Variants in KDM4C observed in about 807,000 individuals in gnomAD.
The protein encoded by KDM4C is lysine demethylase 4C.
A neutral mutation model predicts 129.3 loss-of-function variants in KDM4C; 81 were observed. The observed-to-expected ratio is 0.63, with a 90% confidence interval of 0.52 to 0.75. The LOEUF is 0.75. KDM4C is among the 30% of genes least tolerant of loss of function. KDM4C has a pLI of 0.00. For missense variants in KDM4C, 1,457 were observed against 1,304.0 expected (o/e 1.12, Z -1.81); for synonymous variants, 573 against 456.1 (o/e 1.26, Z -3.26).
chr9:6,737,198 T>A (rs1817551805), intron 1 of KDM4C, among the ~76,000 whole-genome samples: 1 of 151,112 alleles, frequency 6.6e-6, no homozygotes, highest in African/African-American at 2.4e-5. Flanking sequence ...CTAATTAAAG[T>A]AAAGAGCTTC....
chr9:7,020,569 C>A (rs1824618409), intron 15 of KDM4C, among the ~76,000 whole-genome samples: 1 of 152,118 alleles, frequency 6.6e-6, no homozygotes, highest in Non-Finnish European at 1.5e-5. Flanking sequence ...TTACCAAATC[C>A]AGATTTTAGG....
In KDM4C at chr9:6,967,963, C is replaced by T. The variant is rs116756898; in HGVS notation, c.922-12962C>T. Among the ~76,000 whole-genome samples the T allele has an allele frequency of 9.4e-3, 1,434 of 151,924 alleles. 25 individuals are homozygous for T. The highest frequency in any genetic ancestry group is 0.032 in the African/African-American group (1,333 of 41,472). ...GATATTAATAGTTTCTCATGGGATA[C>T]GAAGATTAATTGAGACAATATCTAT... On this transcript the variant is annotated intron_variant, in intron 8 of 21. Transcript: ENST00000381309.
chr9:7,144,901 G>A (rs1314566699), intron 19 of KDM4C, among the ~76,000 whole-genome samples: 1 of 152,250 alleles, frequency 6.6e-6, no homozygotes, highest in Non-Finnish European at 1.5e-5. Context: ...TTTAGGCACC[G>A]TGATGTCTTT....
chr9:6,857,923 T>G (rs11999538), intron 5 of KDM4C, among the ~76,000 whole-genome samples: 15 of 62,430 alleles, frequency 2.4e-4, no homozygotes, highest in African/African-American at 1.8e-3. Flanking sequence ...TCTGGCTAAG[T>G]TTTTTTTTTT....
Position 6,758,269 on chromosome 9 carries a change from T to C in KDM4C, c.-18+66T>C, listed in dbSNP as rs868790482. Reference sequence around the variant, plus strand: ...GGGTCCGGAGAGGTCTTCCCGGCACTGCCCCCCTCCGCGTGGGGCACGGGG... The same window carrying C: ...GGGTCCGGAGAGGTCTTCCCGGCACCGCCCCCCTCCGCGTGGGGCACGGGG... On this transcript the variant is annotated intron_variant, in intron 1 of 21. Transcript: ENST00000381309. This position sits in a 1 kb window ranked among gnomAD's most constrained non-coding sequence, Gnocchi z 4.6. The C allele has an allele frequency of 1.1e-6, 1 of 910,562 alleles. No homozygotes were observed. The highest frequency in any genetic ancestry group is 1.8e-5 in the African/African-American group (1 of 55,642). The allele number at this position is 910,562 out of a possible 1,614,324, so 56.4% of individuals were successfully genotyped here.
At chr9:6,793,559 G>C (rs1225037205) in intron 2 of KDM4C, among the ~76,000 whole-genome samples, 1 of 138,712 alleles carries the variant, frequency 7.2e-6, no homozygotes, top group Non-Finnish European at 1.5e-5. Context: ...TTTTTTTTGA[G>C]ACAGAGTTTT....
chr9:6,850,426 C>T (rs1838627695), intron 5 of KDM4C, among the ~76,000 whole-genome samples: 1 of 152,018 alleles, frequency 6.6e-6, no homozygotes, highest in Admixed American at 6.6e-5. Context: ...TCTGGTTCAT[C>T]CTCCTCTAAT....
chr9:7,059,389 C>T (rs1173394370), intron 17 of KDM4C, among the ~76,000 whole-genome samples: 1 of 152,164 alleles, frequency 6.6e-6, no homozygotes, highest in East Asian at 1.9e-4. Flanking sequence ...AGGACTAAGC[C>T]ACCGCGCCTA....
chr9:6,944,748 G>A (rs949279074), intron 8 of KDM4C, among the ~76,000 whole-genome samples: 2 of 137,072 alleles, frequency 1.5e-5, no homozygotes, highest in African/African-American at 2.7e-5. Flanking sequence ...AGTAGATTTC[G>A]GCTTGCTTAG....
chr9:7,139,110 A>C (rs546305614), intron 19 of KDM4C, among the ~76,000 whole-genome samples: 41 of 152,118 alleles, frequency 2.7e-4, no homozygotes, highest in African/African-American at 9.6e-4. Context: ...CATCTCTACA[A>C]AAAAATTTCA....
At chr9:6,754,481 G>A (rs188667793), upstream of KDM4C, among the ~76,000 whole-genome samples, 63 of 152,286 alleles carry the variant, frequency 4.1e-4, no homozygotes, top group African/African-American at 1.3e-3. Flanking sequence ...CCAATGTGCT[G>A]AGATTAGAGG....
At chr9:7,170,811 T>C (rs1263316257) in intron 21 of KDM4C, 1 of 975,386 alleles carries the variant, frequency 1.0e-6, no homozygotes, top group African/African-American at 1.8e-5. Context: ...CCAAGGGTTT[T>C]CTTAAATCAG....
At chr9:6,852,111 G>C (rs990493044) in intron 5 of KDM4C, among the ~76,000 whole-genome samples, 4 of 151,968 alleles carry the variant, frequency 2.6e-5, no homozygotes, top group African/African-American at 9.7e-5. Flanking sequence ...TGTTATAAAT[G>C]CCCCTACAGA....
intron 6 of KDM4C, among the ~76,000 whole-genome samples, chr9:6,880,961 T>C (rs183887896): frequency 1.8e-4 from 28 of 152,308 alleles, no homozygotes; most frequent in African/African-American, 6.7e-4. Flanking sequence ...GGAGTTCCAT[T>C]TGAGTGACAA....
At chr9:6,982,607 T>G (rs1816961376) in intron 9 of KDM4C, 1 of 152,228 alleles carries the variant, frequency 6.6e-6, no homozygotes. Context: ...TCAGTGTCTT[T>G]GATAACTGTG....
At chr9:7,148,093 C>T (rs1842384823) in intron 19 of KDM4C, among the ~76,000 whole-genome samples, 1 of 152,208 alleles carries the variant, frequency 6.6e-6, no homozygotes, top group Admixed American at 6.5e-5. Context: ...GCTCCAGGTG[C>T]CGGCTCCATG....
intron 1 of KDM4C, among the ~76,000 whole-genome samples, chr9:6,747,539 CAAAAAAA>C (rs35996555): frequency 1.1e-4 from 11 of 98,034 alleles, no homozygotes; most frequent in East Asian, 2.9e-4. Flanking sequence ...CAGGGCGATT[CAAAAAAA>C]AAAAAAAAAA....
chr9:6,950,111 G>A (rs1296851860), intron 8 of KDM4C, among the ~76,000 whole-genome samples: 3 of 133,572 alleles, frequency 2.2e-5, no homozygotes, highest in Non-Finnish European at 4.6e-5. Context: ...TTGAGATATA[G>A]TGGACAAATA....
At position 6,792,858 on chromosome 9, in the gene KDM4C, G is replaced by C. The variant is rs1009652474; in HGVS notation, c.-17-114G>C. 5.6e-5 allele frequency: 57 copies of C among 1,025,784 alleles called. No individual in the cohort carries two copies. In the African/African-American group the frequency reaches 8.4e-4, roughly 15 times the overall value. 63.5% of individuals were successfully genotyped at this position (1,025,784 alleles called of 1,614,324 possible). On this transcript the variant is annotated intron_variant, in intron 1 of 21. Transcript: ENST00000381309. ...CTCCCTGAGACTGGTAGAAGGGAAT[G>C]GGAAGTGACTGAAAGAGAAGGGTTC...
Sources: allele counts gnomAD v4.1 joint callset (sites outside exome capture counted in the v4.1 genomes callset), GRCh38; gene constraint gnomAD v4.1.1; non-coding constraint Gnocchi (gnomAD v3.1); transcripts MANE v1.5; gene names NCBI Gene and HGNC (gene_info 2026-07-23, HGNC 2026-07-21).